SLC20A2: variants seen among roughly 807,000 people sequenced by gnomAD.
SLC20A2 encodes solute carrier family 20 member 2.
A neutral mutation model predicts 61.0 loss-of-function variants in SLC20A2; 30 were observed. That is an observed-to-expected ratio of 0.49 (90% CI 0.37 to 0.67). The LOEUF (loss-of-function observed/expected upper bound fraction) is 0.67, where lower values mean the gene tolerates loss of function less well. Among genes scored for constraint, SLC20A2 ranks in the 30% least tolerant of loss-of-function variants. The pLI is 0.00. For synonymous variants in SLC20A2, 351 were observed against 353.3 expected (o/e 0.99, Z 0.07); for missense variants, 626 against 866.4 (o/e 0.72, Z 3.48).
intron 1 of SLC20A2, among the ~76,000 whole-genome samples, chr8:42,533,813 C>T (rs1229136585): frequency 6.6e-6 from 1 of 151,240 alleles, no homozygotes; most frequent in Admixed American, 6.6e-5. Flanking sequence ...CGTGCACCAC[C>T]ATGCCCGGCT....
intron 2 of SLC20A2, among the ~76,000 whole-genome samples, chr8:42,466,961 C>A (rs1161721018): frequency 1.3e-5 from 2 of 152,142 alleles, no homozygotes; most frequent in Admixed American, 1.3e-4. Flanking sequence ...TGAGCTGCCA[C>A]ACTCAGCTAA....
At chr8:42,514,207 A>AT (rs1329939264) in intron 1 of SLC20A2, among the ~76,000 whole-genome samples, 2 of 152,242 alleles carry the variant, frequency 1.3e-5, no homozygotes, top group Admixed American at 1.3e-4. Flanking sequence ...AAAACTTCCC[A>AT]TGTAGCAATT....
rs374020491 is a variant in SLC20A2, at chr8:42,514,676, T to C, written c.-265+27145A>G. The stretch of plus-strand genomic sequence containing the variant: ...GGGAGGCTGAGGCAGGAAAATTGCT[T>C]GAACTCAGGAGGTAGAGGTTGCAGT... On this transcript the variant is annotated intron_variant, in intron 1 of 10. Transcript: ENST00000342228. Among the ~76,000 whole-genome samples the C allele has an allele frequency of 1.3e-4, 20 of 151,240 alleles. No individual in the cohort carries two copies. In the East Asian group the frequency reaches 3.7e-3, roughly 28 times the overall value.
intron 1 of SLC20A2, among the ~76,000 whole-genome samples, chr8:42,508,394 G>T (rs541925766): frequency 1.3e-5 from 2 of 151,828 alleles, no homozygotes; most frequent in Admixed American, 6.6e-5. Context: ...TCGGAGTCTC[G>T]CTCTGTTTGT....
chr8:42,477,118 C>A (rs535281791), intron 1 of SLC20A2, among the ~76,000 whole-genome samples: 1 of 152,196 alleles, frequency 6.6e-6, no homozygotes, highest in Non-Finnish European at 1.5e-5. Context: ...AGTGGCTGAC[C>A]CTGGGTACCT....
intron 5 of SLC20A2, among the ~76,000 whole-genome samples, chr8:42,455,120 G>C (rs1806046675): frequency 6.6e-6 from 1 of 151,002 alleles, no homozygotes; most frequent in Non-Finnish European, 1.5e-5. Flanking sequence ...CAGCCGCTTG[G>C]GAGGCTGAGG....
chr8:42,466,540 A>G (rs1437712277), intron 2 of SLC20A2, among the ~76,000 whole-genome samples: 1 of 152,228 alleles, frequency 6.6e-6, no homozygotes, highest in Non-Finnish European at 1.5e-5. Flanking sequence ...AAAGACTAGA[A>G]AGGCAATATA....
intron 1 of SLC20A2, among the ~76,000 whole-genome samples, chr8:42,515,310 T>G (rs984489020): frequency 6.6e-6 from 1 of 151,408 alleles, no homozygotes; most frequent in African/African-American, 2.4e-5. Flanking sequence ...ATGGCAGGAG[T>G]AGGTTTAGCA....
In SLC20A2 at chr8:42,437,584, A is replaced by G; in HGVS notation, c.935-7T>C. 6.4e-7 allele frequency: 1 copy of G among 1,553,490 alleles called. No individual in the cohort carries two copies. Among genetic ancestry groups the G allele is most frequent in the South Asian group, 1.2e-5 (1 of 82,958 alleles). On this transcript the variant is annotated splice_polypyrimidine_tract_variant and splice_region_variant and intron_variant, in intron 7 of 10. Transcript: ENST00000520262. This position sits in a 1 kb window ranked among gnomAD's most constrained non-coding sequence, Gnocchi z 6.4. Reference sequence around the variant, plus strand: ...GTCATGGACAGTGCTCTTCCTGAAAAGGGTTAGAGAAGGTCTCATTTTCCA... The same window carrying G: ...GTCATGGACAGTGCTCTTCCTGAAAGGGGTTAGAGAAGGTCTCATTTTCCA...
At chr8:42,508,601 G>C (rs1810857399) in intron 1 of SLC20A2, among the ~76,000 whole-genome samples, 2 of 152,058 alleles carry the variant, frequency 1.3e-5, no homozygotes, top group Admixed American at 6.5e-5. Flanking sequence ...ATGTTAGCCA[G>C]GCTGGTCTTG....
Position 42,420,230 on chromosome 8 carries a change from A to G in SLC20A2, c.1795-2263T>C, listed in dbSNP as rs185719757. ...CTCTTCATGTATTTTGTCCATTTAC[A>G]TACTAAAATCTAATGTGTTCCTTAT... On this transcript the variant is annotated intron_variant, in intron 10 of 10. Transcript: ENST00000520262. Among the ~76,000 whole-genome samples, 148 of 152,138 alleles carry G rather than the reference A, an allele frequency of 9.7e-4. 2 individuals carry two copies. The highest frequency in any genetic ancestry group is 9.4e-3 in the Admixed American group (143 of 15,266).
rs1038033430 is a variant in SLC20A2, at chr8:42,451,441, G to A, written c.614-6679C>T. On this transcript the variant is annotated intron_variant, in intron 5 of 10. Coordinates refer to ENST00000520262, the MANE Select transcript of SLC20A2 (RefSeq NM_001257180.2). ...AGTAGGAAGAGATGTAAGAGGAGGA[G>A]GAAAAGATGGAGGAGGAAGAGGAAG... Among the ~76,000 whole-genome samples, 5 of 148,774 alleles carry A rather than the reference G, an allele frequency of 3.4e-5. No individual in the cohort carries two copies. The East Asian group carries it at 1.0e-3, about 30-fold the overall frequency.
chr8:42,509,450 C>G (rs76966249), intron 1 of SLC20A2, among the ~76,000 whole-genome samples: 196 of 152,194 alleles, frequency 1.3e-3, no homozygotes, highest in Non-Finnish European at 2.1e-3. Context: ...AGATGCTAGG[C>G]TTAGCCAGGC....
At chr8:42,527,230 C>A (rs1812025828) in intron 1 of SLC20A2, among the ~76,000 whole-genome samples, 2 of 151,768 alleles carry the variant, frequency 1.3e-5, no homozygotes, top group South Asian at 2.1e-4. Context: ...ATGGTGAAAC[C>A]CCGTCTCTAC....
chr8:42,467,655 C>T lies in SLC20A2; in HGVS notation c.290-1738G>A, dbSNP rs925259897. Among the ~76,000 whole-genome samples, 10 of 152,278 alleles carry T rather than the reference C, an allele frequency of 6.6e-5. No homozygotes were observed. In the South Asian group the frequency reaches 1.0e-3, roughly 16 times the overall value. On this transcript the variant is annotated intron_variant, in intron 2 of 10. Coordinates refer to ENST00000520262, the MANE Select transcript of SLC20A2 (RefSeq NM_001257180.2). ...CACAGTTGCTGCCATGAGTGCTAGG[C>T]GTGCTGACCTTTGAGCTGAGGCTGG...
At chr8:42,488,112 C>T (rs1586182626) in intron 1 of SLC20A2, among the ~76,000 whole-genome samples, 1 of 150,732 alleles carries the variant, frequency 6.6e-6, no homozygotes, top group South Asian at 2.1e-4. Context: ...GTAGACCACA[C>T]TGTGCTTATC....
chr8:42,469,773 C>T (rs1225306673), intron 2 of SLC20A2, among the ~76,000 whole-genome samples: 1 of 151,768 alleles, frequency 6.6e-6, no homozygotes, highest in African/African-American at 2.4e-5. Flanking sequence ...ACCAAAAATA[C>T]AAAAATTAGC....
Position 42,525,784 on chromosome 8 carries a change from A to T in SLC20A2, c.-265+16037T>A, listed in dbSNP as rs189543388. The stretch of plus-strand genomic sequence containing the variant: ...ACAATGGAATACCATGCAGATATTT[A>T]AAAAATTAAGATATAAACCCACGAT... On this transcript the variant is annotated intron_variant, in intron 1 of 10. Transcript: ENST00000342228. 4.9e-3 allele frequency among the ~76,000 whole-genome samples: 744 copies of T among 152,232 alleles called. 8 individuals are homozygous for T. The highest frequency in any genetic ancestry group is 0.016 in the African/African-American group (682 of 41,528).
Position 42,437,459 on chromosome 8 carries a change from C to T in SLC20A2, c.1053G>A (p.Ser351=), listed in dbSNP as rs371423675. The part of the protein sequence containing the change: ...GHVYHTVHKD[S]GLYKDLLHKI... ...TGTGCAGCAGATCTTTGTAGAGCCC[C>T]GAGTCTTTGTGCACGGTGTGGTACA... The change falls in exon 8 of 11, where the codon TCG becomes TCA. Residue 351 remains serine, a synonymous_variant. Coordinates refer to ENST00000520262, the MANE Select transcript of SLC20A2 (RefSeq NM_001257180.2). This position sits in a 1 kb window ranked among gnomAD's most constrained non-coding sequence, Gnocchi z 6.4. 1.9e-6 allele frequency: 3 copies of T among 1,613,926 alleles called. No homozygotes were observed. The highest frequency in any genetic ancestry group is 2.7e-5 in the African/African-American group (2 of 74,878).
Sources: allele counts gnomAD v4.1 joint callset (sites outside exome capture counted in the v4.1 genomes callset), GRCh38; gene constraint gnomAD v4.1.1; non-coding constraint Gnocchi (gnomAD v3.1); transcripts MANE v1.5; gene names NCBI Gene and HGNC (gene_info 2026-07-23, HGNC 2026-07-21).